The following BMPR1A variants were observed in gnomAD, a reference collection of about 807,000 sequenced individuals.
The protein encoded by BMPR1A is bone morphogenetic protein receptor type-1A.
Under a neutral mutation model 66.0 loss-of-function variants are expected in BMPR1A, and 7 were observed. The ratio of observed to expected loss-of-function variants is 0.11; its 90% confidence interval spans 0.06 to 0.20. BMPR1A has a LOEUF of 0.20. BMPR1A is among the 10% of genes least tolerant of loss of function. The probability of loss-of-function intolerance (pLI) is 1.00; values close to 1 mark genes in which losing one functional copy is unlikely to be tolerated. For missense variants in BMPR1A, 408 were observed against 669.1 expected (o/e 0.61, Z 4.31); for synonymous variants, 200 against 229.7 (o/e 0.87, Z 1.17).
At chr10:86,894,803 T>C (rs1843202242) in intron 5 of BMPR1A, among the ~76,000 whole-genome samples, 1 of 152,206 alleles carries the variant, frequency 6.6e-6, no homozygotes, top group South Asian at 2.1e-4. Flanking sequence ...ATTGATTCTT[T>C]AATAGAGCAG....
At chr10:86,819,689 T>C (rs1842092286) in intron 1 of BMPR1A, among the ~76,000 whole-genome samples, 1 of 152,218 alleles carries the variant, frequency 6.6e-6, no homozygotes, top group Non-Finnish European at 1.5e-5. Flanking sequence ...ATGCATCTCA[T>C]CTAAAAGTAA....
chr10:86,897,693 A>G (rs765132590), intron 5 of BMPR1A, among the ~76,000 whole-genome samples: 4 of 152,042 alleles, frequency 2.6e-5, no homozygotes, highest in Non-Finnish European at 5.9e-5. Flanking sequence ...TGCAGCCTCA[A>G]CCTCCTGGGT....
intron 2 of BMPR1A, among the ~76,000 whole-genome samples, chr10:86,861,964 T>G (rs1237558359): frequency 6.6e-6 from 1 of 152,232 alleles, no homozygotes; most frequent in African/African-American, 2.4e-5. Context: ...GCATAATGTT[T>G]TAATTTCTTC....
At chr10:86,849,131 A>C (rs1300757284) in intron 2 of BMPR1A, among the ~76,000 whole-genome samples, 1 of 152,224 alleles carries the variant, frequency 6.6e-6, no homozygotes, top group Non-Finnish European at 1.5e-5. Flanking sequence ...ACTTTACACT[A>C]GCATTTGAGA....
intron 8 of BMPR1A, among the ~76,000 whole-genome samples, chr10:86,913,116 A>T (rs941478102): frequency 8.6e-5 from 13 of 151,656 alleles, no homozygotes; most frequent in Non-Finnish European, 1.6e-4. Context: ...ATTTTATTTT[A>T]TTTTACTTTA....
At position 86,875,641 on chromosome 10, in the gene BMPR1A, G is replaced by A. The variant is rs183801694; in HGVS notation, c.-152-226G>A. ...GATTGTTTAATATACTTCCCTTGTTGTACATATGGCTAATCTGAGGTCAGG... is the reference window on the plus strand; with the variant it reads ...GATTGTTTAATATACTTCCCTTGTTATACATATGGCTAATCTGAGGTCAGG... On this transcript the variant is annotated intron_variant, in intron 2 of 12. Coordinates refer to ENST00000372037, the MANE Select transcript of BMPR1A (RefSeq NM_004329.3). Among the ~76,000 whole-genome samples the A allele has an allele frequency of 2.6e-4, 39 of 150,382 alleles. No individual in the cohort carries two copies. In the East Asian group the frequency reaches 7.6e-3, roughly 29 times the overall value.
intron 1 of BMPR1A, among the ~76,000 whole-genome samples, chr10:86,817,692 G>A (rs1362176948): frequency 1.3e-5 from 2 of 152,206 alleles, no homozygotes; most frequent in African/African-American, 2.4e-5. Flanking sequence ...CCTGTAACTA[G>A]TGAGGAGATT....
intron 1 of BMPR1A, among the ~76,000 whole-genome samples, chr10:86,796,605 C>T (rs1215515281): frequency 1.3e-5 from 2 of 150,750 alleles, no homozygotes; most frequent in Non-Finnish European, 1.5e-5. Context: ...GAGACAGAAT[C>T]TCTCTCTGTT....
intron 1 of BMPR1A, among the ~76,000 whole-genome samples, chr10:86,826,911 AT>A (rs1175174024): frequency 1.3e-5 from 2 of 151,918 alleles, no homozygotes; most frequent in Non-Finnish European, 2.9e-5. Flanking sequence ...ATAGATTTAA[AT>A]TTTTTTTAAA....
intron 1 of BMPR1A, among the ~76,000 whole-genome samples, chr10:86,775,500 G>T (rs1390995813): frequency 6.6e-6 from 1 of 152,104 alleles, no homozygotes; most frequent in Non-Finnish European, 1.5e-5. Flanking sequence ...TCCCCCTGAT[G>T]CCCATCTCAC....
chr10:86,929,256 A>G (rs532827352), downstream of BMPR1A: 4 of 152,286 alleles, frequency 2.6e-5, no homozygotes, highest in African/African-American at 9.6e-5. Flanking sequence ...AAACATTGCC[A>G]TATTGCTACT....
intron 1 of BMPR1A, among the ~76,000 whole-genome samples, chr10:86,795,093 T>G (rs2132817349): frequency 6.6e-6 from 1 of 152,172 alleles, no homozygotes; most frequent in East Asian, 1.9e-4. Context: ...TCAGGTGATC[T>G]GCCTGCTTCT....
intron 7 of BMPR1A, among the ~76,000 whole-genome samples, chr10:86,901,458 A>C (rs926285322): frequency 6.6e-6 from 1 of 152,234 alleles, no homozygotes; most frequent in Non-Finnish European, 1.5e-5. Flanking sequence ...CACAATGGCC[A>C]GTTCCGAAGT....
In BMPR1A at chr10:86,923,363, C is replaced by T. The variant is rs1843694210; in HGVS notation, c.1343-13C>T. 6.2e-7 allele frequency: 1 copy of T among 1,613,984 alleles called. No individual in the cohort carries two copies. On this transcript the variant is annotated splice_polypyrimidine_tract_variant and intron_variant, in intron 11 of 12. Coordinates refer to ENST00000372037, the MANE Select transcript of BMPR1A (RefSeq NM_004329.3). Reference sequence around the variant, plus strand: ...AACCATTTTTGTGCCCATGTTTTCTCATTCCCTTATAGGGATCGTGGAAGA... The same window carrying T: ...AACCATTTTTGTGCCCATGTTTTCTTATTCCCTTATAGGGATCGTGGAAGA...
chr10:86,890,876 G>T (rs971007055), intron 4 of BMPR1A, among the ~76,000 whole-genome samples: 1 of 151,922 alleles, frequency 6.6e-6, no homozygotes, highest in Admixed American at 6.6e-5. Flanking sequence ...AGTGTATTTC[G>T]TGTTAGCTGC....
Position 86,919,214 on chromosome 10 carries a change from A to G in BMPR1A, c.911A>G (p.Gln304Arg), listed in dbSNP as rs730881434. 1.7e-5 allele frequency: 28 copies of G among 1,613,872 alleles called. No homozygotes were observed. The highest frequency in any genetic ancestry group is 2.2e-5 in the Non-Finnish European group (26 of 1,179,866). ...ADIKGTGSWTQLYLITDYHEN... is the reference protein window; with the variant it reads ...ADIKGTGSWTRLYLITDYHEN... ...ATTAAAGGTACAGGTTCCTGGACTC[A>G]GCTCTATTTGATTACTGATTACCAT... Residue 304 changes from glutamine to arginine, a missense_variant, in exon 10 of 13, where the codon CAG (glutamine) becomes CGG (arginine). Coordinates refer to ENST00000372037, the MANE Select transcript of BMPR1A (RefSeq NM_004329.3).
intron 1 of BMPR1A, among the ~76,000 whole-genome samples, chr10:86,780,546 T>G (rs949240085): frequency 2.0e-5 from 3 of 151,468 alleles, no homozygotes; most frequent in Non-Finnish European, 4.4e-5. Flanking sequence ...GCAATTCTCC[T>G]GCCTCAGCCT....
At chr10:86,898,195 C>A (rs115266512) in intron 5 of BMPR1A, among the ~76,000 whole-genome samples, 6,964 of 151,944 alleles carry the variant, frequency 0.046, 204 homozygotes, top group South Asian at 0.078. Flanking sequence ...GCCACCACAC[C>A]CAGTTTAAAG....
chr10:86,910,158 C>T (rs190910702), intron 7 of BMPR1A, among the ~76,000 whole-genome samples: 18 of 152,044 alleles, frequency 1.2e-4, no homozygotes, highest in African/African-American at 3.6e-4. Flanking sequence ...CATGGTGAAA[C>T]CCCATCTCTA....
Sources: allele counts gnomAD v4.1 joint callset (sites outside exome capture counted in the v4.1 genomes callset), GRCh38; gene constraint gnomAD v4.1.1; transcripts MANE v1.5; gene names NCBI Gene and HGNC (gene_info 2026-07-23, HGNC 2026-07-21).